Variants in TGFBR3 observed in about 807,000 individuals in gnomAD.
The protein encoded by TGFBR3 is transforming growth factor beta receptor type 3.
A neutral mutation model predicts 87.9 loss-of-function variants in TGFBR3; 46 were observed. That is an observed-to-expected ratio of 0.52 (90% confidence interval 0.41 to 0.67). The LOEUF (loss-of-function observed/expected upper bound fraction) is 0.67. TGFBR3 is among the 30% of genes least tolerant of loss of function. The pLI is 0.00. For synonymous variants in TGFBR3, 381 were observed against 391.6 expected, an observed-to-expected ratio of 0.97 and a Z score of 0.32; for missense variants, 866 against 1,041.9, an observed-to-expected ratio of 0.83 and a Z score of 2.32.
chr1:91,814,027 G>A (rs1385338103), intron 2 of TGFBR3, among the ~76,000 whole-genome samples: 1 of 152,236 alleles, frequency 6.6e-6, no homozygotes, highest in Non-Finnish European at 1.5e-5. Context: ...CTCACCTCCT[G>A]CTGTGTGCCC....
rs1017369871 is a variant in TGFBR3 at position 91,734,882 on chromosome 1, G to A, written c.462C>T (p.Pro154=). 1.2e-6 allele frequency: 2 copies of A among 1,614,130 alleles called. No homozygotes were observed. The highest frequency in any genetic ancestry group is 1.3e-5 in the African/African-American group (1 of 75,018). ...LTAETEERNF[P]HGNEHLLNWA... is the part of the protein sequence containing the mutation. Reference sequence around the variant, plus strand: ...AATTTAACAGATGTTCATTTCCATGGGGGAAGTTCCTTTCTTCTGTTTCTG... The same window carrying A: ...AATTTAACAGATGTTCATTTCCATGAGGGAAGTTCCTTTCTTCTGTTTCTG... The change falls in exon 5 of 17, where the codon CCC becomes CCT. Residue 154 remains proline (P), a synonymous_variant. Coordinates refer to ENST00000212355, the MANE Select transcript of TGFBR3 (RefSeq NM_003243.5).
At chr1:91,755,904 T>C (rs974288975) in intron 4 of TGFBR3, among the ~76,000 whole-genome samples, 24 of 152,068 alleles carry the variant, frequency 1.6e-4, no homozygotes, top group Admixed American at 1.4e-3. Context: ...TAAATACAGA[T>C]GCAAATTCAA....
chr1:91,794,327 C>G (rs1285175814), intron 3 of TGFBR3, among the ~76,000 whole-genome samples: 1 of 152,136 alleles, frequency 6.6e-6, no homozygotes, highest in Non-Finnish European at 1.5e-5. Context: ...CCTCAGCCTC[C>G]CAAGTAGCTA....
At chr1:91,751,927 G>C (rs566341360) in intron 4 of TGFBR3, among the ~76,000 whole-genome samples, 1 of 152,134 alleles carries the variant, frequency 6.6e-6, no homozygotes, top group African/African-American at 2.4e-5. Flanking sequence ...TCTAGCAGTC[G>C]TACTATCAAA....
intron 16 of TGFBR3, 21 bp downstream of exon 16, chr1:91,695,651 T>G: frequency 6.3e-7 from 1 of 1,592,402 alleles, no homozygotes; most frequent in South Asian, 1.1e-5. Context: ...TCACCAACTC[T>G]TACTCAACAG....
At chr1:91,687,730 G>C (rs764838245) in intron 16 of TGFBR3, among the ~76,000 whole-genome samples, 3 of 152,170 alleles carry the variant, frequency 2.0e-5, no homozygotes, top group Non-Finnish European at 4.4e-5. Flanking sequence ...GGCAGGACTA[G>C]GGATTTAGAT....
rs1402227221 is a variant in TGFBR3 at position 91,695,737 on chromosome 1, G to A, written c.2372C>T (p.Ala791Val). ...GLDTLTVMGIAFAAFVIGALL... is the reference protein window; with the variant it reads ...GLDTLTVMGIVFAAFVIGALL... ...TGCTCCGATCACAAAGGCTGCAAAC[G>A]CAATGCCCATCACGGTTAGGGTGTC... is the stretch of plus-strand genomic sequence containing the variant. The change falls in exon 16 of 17, where the codon GCG (alanine) becomes GTG (valine). Residue 791 changes from alanine (A) to valine (V), a missense_variant. By Grantham distance (64) the Ala-to-Val change is moderately conservative. Transcript: ENST00000212355. 1.9e-6 allele frequency: 3 copies of A among 1,613,990 alleles called. No homozygotes were observed. Among genetic ancestry groups the A allele is most frequent in the African/African-American group, 1.3e-5 (1 of 74,910 alleles).
At chr1:91,751,974 G>A (rs1351627504) in intron 4 of TGFBR3, among the ~76,000 whole-genome samples, 2 of 152,184 alleles carry the variant, frequency 1.3e-5, no homozygotes, top group Non-Finnish European at 2.9e-5. Flanking sequence ...GAACTTTAGA[G>A]ATGAGCTAGT....
chr1:91,729,744 C>CAA, intron 6 of TGFBR3, 61 bp downstream of exon 6: 1 of 1,595,984 alleles, frequency 6.3e-7, no homozygotes, highest in African/African-American at 1.3e-5. Context: ...CTCCCTGCCT[C>CAA]AAGTCAAGGA....
At chr1:91,840,073 G>A (rs1677210234) in intron 2 of TGFBR3, among the ~76,000 whole-genome samples, 1 of 151,934 alleles carries the variant, frequency 6.6e-6, no homozygotes, top group Admixed American at 6.6e-5. Context: ...ACTTTGGGAG[G>A]CTCAGGCAGG....
chr1:91,861,895 C>T (rs552449250), intron 1 of TGFBR3: 3 of 292,412 alleles, frequency 1.0e-5, no homozygotes, highest in Admixed American at 5.8e-5. Context: ...CTCTCTCTGT[C>T]GCCAAGCTGG....
chr1:91,784,933 A>G (rs1326982317), intron 3 of TGFBR3, among the ~76,000 whole-genome samples: 4 of 152,222 alleles, frequency 2.6e-5, no homozygotes, highest in African/African-American at 7.2e-5. Flanking sequence ...TCTTCCTGCA[A>G]AGGGCTGAAT....
At chr1:91,786,516 TGA>T (rs1332801425) in intron 3 of TGFBR3, among the ~76,000 whole-genome samples, 2 of 152,168 alleles carry the variant, frequency 1.3e-5, no homozygotes. Context: ...TTTGGGAGGC[TGA>T]GATGGATGGA....
chr1:91,750,228 G>GGGGCCAC (rs1183952214), intron 4 of TGFBR3, among the ~76,000 whole-genome samples: 1 of 152,180 alleles, frequency 6.6e-6, no homozygotes, highest in Admixed American at 6.5e-5. Context: ...AAATCTCCCA[G>GGGGCCAC]GGGCCACGGG....
intron 2 of TGFBR3, among the ~76,000 whole-genome samples, chr1:91,798,996 G>T (rs961952797): frequency 6.6e-6 from 1 of 152,148 alleles, no homozygotes; most frequent in African/African-American, 2.4e-5. Flanking sequence ...TGGTGCTATT[G>T]TCTCCATTCA....
At chr1:91,863,663 AAAAT>A (rs1169241593) in intron 1 of TGFBR3, among the ~76,000 whole-genome samples, 1 of 152,198 alleles carries the variant, frequency 6.6e-6, no homozygotes, top group African/African-American at 2.4e-5. Flanking sequence ...TGTTTACTGA[AAAAT>A]AAACATTACA....
intron 1 of TGFBR3, among the ~76,000 whole-genome samples, chr1:91,868,847 G>A (rs1678480724): frequency 6.6e-6 from 1 of 152,286 alleles, no homozygotes; most frequent in Middle Eastern, 3.4e-3. Flanking sequence ...CACCAGGTGT[G>A]GTGGTTTAGA....
chr1:91,874,363 G>C (rs573466327), intron 1 of TGFBR3, among the ~76,000 whole-genome samples: 1 of 152,312 alleles, frequency 6.6e-6, no homozygotes, highest in African/African-American at 2.4e-5. Context: ...TGCGGCAGCT[G>C]GAGCAGATTG....
At chr1:91,753,604 C>T (rs1673633461) in intron 4 of TGFBR3, among the ~76,000 whole-genome samples, 1 of 152,050 alleles carries the variant, frequency 6.6e-6, no homozygotes, top group Non-Finnish European at 1.5e-5. Context: ...TAGTCATTCC[C>T]CATTTTCCCC....
Sources: allele counts gnomAD v4.1 joint callset (sites outside exome capture counted in the v4.1 genomes callset), GRCh38; gene constraint gnomAD v4.1.1; transcripts MANE v1.5; gene names NCBI Gene and HGNC (gene_info 2026-07-23, HGNC 2026-07-21).